Variants in TRIM5 observed in about 807,000 individuals in gnomAD.
TRIM5 encodes tripartite motif-containing protein 5.
TRIM5 carries 31 observed loss-of-function variants against 35.6 expected under a neutral mutation model. The ratio of observed to expected loss-of-function variants is 0.87; its 90% CI spans 0.65 to 1.18. The LOEUF (loss-of-function observed/expected upper bound fraction) is 1.18. Among genes scored for constraint, TRIM5 ranks in the 50% most tolerant of loss-of-function variants. The pLI is 0.00. For missense variants in TRIM5, 609 were observed against 591.6 expected (o/e 1.03, Z -0.31); for synonymous variants, 243 against 215.6 (o/e 1.13, Z -1.11).
intron 1 of TRIM5, among the ~76,000 whole-genome samples, chr11:5,680,557 G>T (rs1852360145): frequency 6.6e-6 from 1 of 152,142 alleles, no homozygotes; most frequent in Non-Finnish European, 1.5e-5. Flanking sequence ...ATCTCTCCTG[G>T]CTTTTCTTTC....
At chr11:5,637,739 C>T in the TRIM5 span, among the ~76,000 whole-genome samples, 1 of 152,160 alleles carries the variant, frequency 6.6e-6, no homozygotes, top group Non-Finnish European at 1.5e-5. Context: ...AAACAGCTCC[C>T]CATTCCCTTT....
At chr11:5,631,498 A>C in the TRIM5 span, among the ~76,000 whole-genome samples, 2 of 152,226 alleles carry the variant, frequency 1.3e-5, no homozygotes, top group African/African-American at 4.8e-5. Context: ...AAGGAGGAAC[A>C]AACAGGCCAA....
intron 1 of TRIM5, 78 bp from the exon 2 acceptor site, chr11:5,680,316 A>C (rs1852335983): frequency 1.2e-6 from 1 of 846,596 alleles, no homozygotes; most frequent in African/African-American, 1.7e-5. Flanking sequence ...GCACAATTAG[A>C]AAATGGGCAA....
At position 5,665,057 on chromosome 11, in the gene TRIM5, CACT is replaced by C; in HGVS notation, c.1231_1233del (p.Ser411del). On this transcript the variant is annotated inframe_deletion, in exon 8 of 8. Transcript: ENST00000380034. ...GTATGGAAGGAACTATCCTGGAAAG[CACT>C]ACATTTAACTCCTTCCTCTAACCCT... 1.9e-6 allele frequency: 3 copies of C among 1,614,064 alleles called. No homozygotes were observed. The highest frequency in any genetic ancestry group is 2.5e-6 in the Non-Finnish European group (3 of 1,180,022).
At chr11:5,677,196 C>G (rs1360694995) in intron 4 of TRIM5, among the ~76,000 whole-genome samples, 1 of 152,024 alleles carries the variant, frequency 6.6e-6, no homozygotes, top group African/African-American at 2.4e-5. Flanking sequence ...ATTTTCACAA[C>G]CCACTCATCT....
At chr11:5,646,972 A>G in the TRIM5 span, among the ~76,000 whole-genome samples, 2 of 152,236 alleles carry the variant, frequency 1.3e-5, no homozygotes, top group East Asian at 3.8e-4. Context: ...GTGCCTTAAC[A>G]AAACGATTTA....
chr11:5,607,652 T>C, the TRIM5 span, among the ~76,000 whole-genome samples: 1 of 152,204 alleles, frequency 6.6e-6, no homozygotes, highest in Non-Finnish European at 1.5e-5. Context: ...GTGGACTGAC[T>C]TGGGCAAAGA....
chr11:5,665,487 G>A (rs1259052866), intron 7 of TRIM5, 92 bp from the exon 8 acceptor site: 15 of 1,543,594 alleles, frequency 9.7e-6, no homozygotes, highest in Non-Finnish European at 1.3e-5. Context: ...GAGAAAACTG[G>A]GAGGAACCTT....
At chr11:5,597,015 A>G in the TRIM5 span, 1 of 1,580,226 alleles carries the variant, frequency 6.3e-7, no homozygotes. Context: ...AACTCATTAT[A>G]TCTTTATTTC....
chr11:5,648,861 A>G, the TRIM5 span, among the ~76,000 whole-genome samples: 1 of 152,254 alleles, frequency 6.6e-6, no homozygotes, highest in South Asian at 2.1e-4. Flanking sequence ...GATTTATTCA[A>G]CCAATTTGCA....
At chr11:5,618,775 G>A in the TRIM5 span, among the ~76,000 whole-genome samples, 1 of 152,184 alleles carries the variant, frequency 6.6e-6, no homozygotes, top group African/African-American at 2.4e-5. Flanking sequence ...CTCTGGGGGA[G>A]AAAAGATTGG....
At chr11:5,611,149 C>T in the TRIM5 span, 3 of 1,614,176 alleles carry the variant, frequency 1.9e-6, no homozygotes, top group South Asian at 3.3e-5. Context: ...CTGCTTCTCT[C>T]CATGACAGTG....
At chr11:5,608,458 C>A in the TRIM5 span, 1 of 1,603,142 alleles carries the variant, frequency 6.2e-7, no homozygotes, top group South Asian at 1.1e-5. Flanking sequence ...TACCCATGAT[C>A]AGTGGGAAAG....
chr11:5,640,395 G>A, the TRIM5 span, among the ~76,000 whole-genome samples: 3 of 151,782 alleles, frequency 2.0e-5, no homozygotes, highest in Non-Finnish European at 2.9e-5. Context: ...AGATCATCAT[G>A]TGGTTTTCAT....
chr11:5,668,045 T>A (rs566922221), intron 4 of TRIM5, among the ~76,000 whole-genome samples: 1 of 152,316 alleles, frequency 6.6e-6, no homozygotes, highest in African/African-American at 2.4e-5. Context: ...TAATTAGTGC[T>A]TCTTTGATTT....
At chr11:5,633,502 T>C in the TRIM5 span, among the ~76,000 whole-genome samples, 4 of 152,182 alleles carry the variant, frequency 2.6e-5, no homozygotes, top group African/African-American at 7.2e-5. Context: ...CTAAGGAACA[T>C]TGTGGATTGA....
At chr11:5,636,304 A>T in the TRIM5 span, among the ~76,000 whole-genome samples, 1 of 152,208 alleles carries the variant, frequency 6.6e-6, no homozygotes, top group East Asian at 1.9e-4. Context: ...ATTTATATGA[A>T]AGTCTGTAAG....
the TRIM5 span, chr11:5,641,371 C>T: frequency 1.1e-5 from 16 of 1,393,996 alleles, no homozygotes; most frequent in South Asian, 1.7e-5. Flanking sequence ...TTAATGGACT[C>T]GATCCTATGT....
chr11:5,612,436 A>G, the TRIM5 span: 1 of 152,226 alleles, frequency 6.6e-6, no homozygotes, highest in African/African-American at 2.4e-5. Flanking sequence ...CGTCTTTCAA[A>G]TTAATTGCAG....
Sources: allele counts gnomAD v4.1 joint callset (sites outside exome capture counted in the v4.1 genomes callset), GRCh38; gene constraint gnomAD v4.1.1; transcripts MANE v1.5; gene names NCBI Gene and HGNC (gene_info 2026-07-23, HGNC 2026-07-21).